NHSL1: variants seen among roughly 807,000 people sequenced by gnomAD.
The protein encoded by NHSL1 is NHS-like protein 1.
In NHSL1, 48 loss-of-function variants were observed where a neutral mutation model predicts 95.0. The observed-to-expected ratio is 0.51, with a 90% confidence interval of 0.40 to 0.64. The LOEUF is 0.64. Among genes scored for constraint, NHSL1 ranks in the 30% least tolerant of loss-of-function variants. NHSL1 has a pLI of 0.00. For synonymous variants in NHSL1, 783 were observed against 833.9 expected (o/e 0.94, Z 1.05); for missense variants, 1,971 against 2,077.7 (o/e 0.95, Z 1.00).
At chr6:138,609,182 G>T (rs929830240) in intron 1 of NHSL1, among the ~76,000 whole-genome samples, 1 of 152,178 alleles carries the variant, frequency 6.6e-6, no homozygotes, top group Non-Finnish European at 1.5e-5. Flanking sequence ...ACAAGCAAAT[G>T]GATGTTGCTT....
chr6:138,489,985 G>GGA lies in NHSL1; in HGVS notation c.211+6232_211+6233dup, dbSNP rs145500008. Among the ~76,000 whole-genome samples, 51 of 96,618 alleles carry GGA rather than the reference G, an allele frequency of 5.3e-4. 1 individual carries two copies. The highest frequency in any genetic ancestry group is 8.0e-4 in the South Asian group (2 of 2,494). The allele number at this position is 96,618 out of a possible 152,430, so 63.4% of individuals were successfully genotyped here. ...GGGAGAGGGGGAGAGGGGGAGAGGG[G>GGA]GAGAGAGAGAGAGAGAGAGACAAAG... On this transcript the variant is annotated intron_variant, in intron 2 of 7. Coordinates refer to ENST00000343505, the MANE Select transcript of NHSL1 (RefSeq NM_001144060.2).
rs55850386 is a variant in NHSL1 at position 138,424,040 on chromosome 6, C to A, written c.*41G>T. On this transcript the variant is annotated 3_prime_UTR_variant, in exon 8 of 8. Coordinates refer to ENST00000343505, the MANE Select transcript of NHSL1 (RefSeq NM_001144060.2). This position sits in a 1 kb window ranked among gnomAD's most constrained non-coding sequence, Gnocchi z 5.9. ...AGGCTTCCTAGAGTGCTGCATTGCT[C>A]GTCTCCCCCCGTGTCACCTGGGAGA... The A allele has an allele frequency of 7.4e-7, 1 of 1,346,342 alleles. No individual in the cohort carries two copies. Among genetic ancestry groups the A allele is most frequent in the South Asian group, 2.3e-5 (1 of 44,178 alleles). 83.4% of individuals were successfully genotyped at this position (1,346,342 alleles called of 1,614,324 possible).
At chr6:138,678,679 G>T (rs1021767318) in intron 1 of NHSL1, among the ~76,000 whole-genome samples, 1 of 152,148 alleles carries the variant, frequency 6.6e-6, no homozygotes, top group Non-Finnish European at 1.5e-5. Flanking sequence ...CCAGCTGTGT[G>T]ACCTGAGGCA....
intron 1 of NHSL1, chr6:138,651,060 T>A: frequency 2.6e-6 from 1 of 384,664 alleles, no homozygotes; most frequent in South Asian, 2.0e-5. Context: ...CGTATTTTGA[T>A]AACATGCCAT....
chr6:138,452,473 A>G (rs2128225394), intron 3 of NHSL1, among the ~76,000 whole-genome samples: 1 of 152,384 alleles, frequency 6.6e-6, no homozygotes, highest in South Asian at 2.1e-4. Context: ...TGTTAGTAAA[A>G]GTTAGAAAAC....
rs1258836069 is a variant in NHSL1 at position 138,424,049 on chromosome 6, C to A, written c.*32G>T. 7.4e-7 allele frequency: 1 copy of A among 1,355,492 alleles called. No individual in the cohort carries two copies. The highest frequency in any genetic ancestry group is 1.5e-5 in the African/African-American group (1 of 68,578). 84.0% of individuals were successfully genotyped at this position (1,355,492 alleles called of 1,614,324 possible). ...AGAGTGCTGCATTGCTCGTCTCCCCCCGTGTCACCTGGGAGAGTTACGTTC... is the reference window on the plus strand; with the variant it reads ...AGAGTGCTGCATTGCTCGTCTCCCCACGTGTCACCTGGGAGAGTTACGTTC... On this transcript the variant is annotated 3_prime_UTR_variant, in exon 8 of 8. Coordinates refer to ENST00000343505, the MANE Select transcript of NHSL1 (RefSeq NM_001144060.2). The surrounding 1 kb of genome is among the most constrained non-coding windows in gnomAD (Gnocchi z 5.9).
rs187757573 is a variant in NHSL1, at chr6:138,578,366, G to A, written c.97-81995C>T. ...AAGGTGCAAGGGGACAAAGGATGTC[G>A]CTGGTAAAGAAGCCGCCACTGACAC... On this transcript the variant is annotated intron_variant, in intron 1 of 3. Transcript: ENST00000491526. 7.9e-5 allele frequency among the ~76,000 whole-genome samples: 12 copies of A among 152,298 alleles called. 1 individual carries two copies. In the South Asian group the frequency reaches 1.9e-3, roughly 24 times the overall value.
At chr6:138,684,422 C>T (rs1785555527) in intron 1 of NHSL1, among the ~76,000 whole-genome samples, 1 of 151,844 alleles carries the variant, frequency 6.6e-6, no homozygotes, top group Non-Finnish European at 1.5e-5. Context: ...CCAAGGCGGG[C>T]GGATCACAAG....
At chr6:138,537,671 T>A (rs1023793764) in intron 1 of NHSL1, among the ~76,000 whole-genome samples, 1 of 152,228 alleles carries the variant, frequency 6.6e-6, no homozygotes, top group Non-Finnish European at 1.5e-5. Flanking sequence ...TAAGATGATA[T>A]GATTAACGGA....
At chr6:138,527,189 C>CATT (rs1036056002) in intron 1 of NHSL1, among the ~76,000 whole-genome samples, 12 of 151,706 alleles carry the variant, frequency 7.9e-5, no homozygotes, top group African/African-American at 2.9e-4. Flanking sequence ...TGGGAGGCTG[C>CATT]ATTGGATTTT....
chr6:138,450,493 G>A (rs1777158320), intron 3 of NHSL1, among the ~76,000 whole-genome samples: 1 of 152,204 alleles, frequency 6.6e-6, no homozygotes, highest in African/African-American at 2.4e-5. Context: ...TCTGCTGTGG[G>A]AGCAGGATGA....
At chr6:138,675,200 G>A (rs1218281638) in intron 1 of NHSL1, among the ~76,000 whole-genome samples, 1 of 152,012 alleles carries the variant, frequency 6.6e-6, no homozygotes, top group Non-Finnish European at 1.5e-5. Context: ...CCCTCTTCTG[G>A]CTTGGTGCTC....
intron 2 of NHSL1, among the ~76,000 whole-genome samples, chr6:138,474,480 A>AT (rs1204370238): frequency 2.6e-5 from 4 of 152,008 alleles, no homozygotes; most frequent in African/African-American, 4.8e-5. Flanking sequence ...AAGCCAGGGG[A>AT]TAAAAAAAAA....
upstream of NHSL1, among the ~76,000 whole-genome samples, chr6:138,547,379 T>G (rs9399245): frequency 0.42 from 63,339 of 150,916 alleles, 14,962 homozygotes; most frequent in African/African-American, 0.64. Flanking sequence ...TATTAACGCT[T>G]CTTCTTCTTT....
chr6:138,673,039 A>G (rs113864652), intron 1 of NHSL1, among the ~76,000 whole-genome samples: 1,980 of 10,228 alleles, frequency 0.19, 38 homozygotes, highest in African/African-American at 0.26. Flanking sequence ...AGGTAGATAG[A>G]TAGATAGATA....
intron 1 of NHSL1, among the ~76,000 whole-genome samples, chr6:138,597,726 G>A (rs1188948756): frequency 1.3e-5 from 2 of 152,128 alleles, no homozygotes; most frequent in Non-Finnish European, 2.9e-5. Context: ...TGTGAGCAAT[G>A]AATATGAAAA....
intron 3 of NHSL1, among the ~76,000 whole-genome samples, chr6:138,466,862 T>A (rs1778415010): frequency 6.6e-6 from 1 of 151,914 alleles, no homozygotes; most frequent in Non-Finnish European, 1.5e-5. Context: ...GGCGGGTGGA[T>A]CACCTGAGAT....
intron 5 of NHSL1, among the ~76,000 whole-genome samples, chr6:138,439,982 G>A (rs1776427140): frequency 6.6e-6 from 1 of 152,082 alleles, no homozygotes; most frequent in South Asian, 2.1e-4. Flanking sequence ...CATACTGGTT[G>A]GTTCAGTAAT....
chr6:138,538,803 G>A lies in NHSL1; in HGVS notation c.16+6820C>T, dbSNP rs117207718. Among the ~76,000 whole-genome samples the A allele has an allele frequency of 7.0e-3, 1,060 of 152,284 alleles. 5 individuals are homozygous for A. Among genetic ancestry groups the A allele is most frequent in the Non-Finnish European group, 0.011 (771 of 68,032 alleles). On this transcript the variant is annotated intron_variant, in intron 1 of 4. Transcript: ENST00000342260. ...CATCTGACCTTTTGAAAACTATTCT[G>A]TGTATATATAAATTCACTTAAAGTG...
Sources: allele counts gnomAD v4.1 joint callset (sites outside exome capture counted in the v4.1 genomes callset), GRCh38; gene constraint gnomAD v4.1.1; non-coding constraint Gnocchi (gnomAD v3.1); transcripts MANE v1.5; gene names NCBI Gene and HGNC (gene_info 2026-07-23, HGNC 2026-07-21).